The following JCAD variants were observed in gnomAD, a reference collection of about 807,000 sequenced individuals.
JCAD encodes the protein junctional cadherin 5-associated protein.
JCAD carries 40 observed loss-of-function variants against 98.0 expected under a neutral mutation model. The observed-to-expected ratio is 0.41, with a 90% CI of 0.32 to 0.53. The LOEUF (loss-of-function observed/expected upper bound fraction) is 0.53, where lower values mean the gene tolerates loss of function less well. Ranked by LOEUF, JCAD falls within the 20% of genes least tolerant of loss-of-function variation. The probability of loss-of-function intolerance (pLI) is 0.31; values close to 1 mark genes in which losing one functional copy is unlikely to be tolerated. For synonymous variants in JCAD, 691 were observed against 682.3 expected (o/e 1.01, Z -0.20); for missense variants, 1,705 against 1,738.1 (o/e 0.98, Z 0.34).
chr10:30,087,154 GGGA>G (rs1468723997), intron 1 of JCAD, among the ~76,000 whole-genome samples: 4 of 152,132 alleles, frequency 2.6e-5, no homozygotes, highest in Non-Finnish European at 5.9e-5. Context: ...TGTCAAGTCT[GGGA>G]GGAGGCCAGG....
chr10:30,071,708 G>C (rs992993137), intron 1 of JCAD, among the ~76,000 whole-genome samples: 5 of 152,078 alleles, frequency 3.3e-5, no homozygotes, highest in African/African-American at 1.2e-4. Flanking sequence ...AACCTGGGGG[G>C]CGGAGGTTGC....
intron 2 of JCAD, among the ~76,000 whole-genome samples, chr10:30,031,673 C>A (rs1836996483): frequency 6.6e-6 from 1 of 151,598 alleles, no homozygotes; most frequent in Non-Finnish European, 1.5e-5. Context: ...AACTCCTGAC[C>A]TCAAGTCTTC....
At chr10:30,111,718 T>C (rs1838705790) in intron 1 of JCAD, among the ~76,000 whole-genome samples, 1 of 152,170 alleles carries the variant, frequency 6.6e-6, no homozygotes, top group Admixed American at 6.6e-5. Context: ...AGAGGCTCCG[T>C]GTCATTAGTC....
At chr10:30,024,931 G>A (rs1226798285) in intron 3 of JCAD, among the ~76,000 whole-genome samples, 6 of 151,884 alleles carry the variant, frequency 4.0e-5, no homozygotes, top group Admixed American at 6.6e-5. Context: ...TCCTGACCTC[G>A]TGATCCACCC....
intron 2 of JCAD, among the ~76,000 whole-genome samples, chr10:30,038,881 G>T (rs1245855540): frequency 6.6e-6 from 1 of 152,102 alleles, no homozygotes. Flanking sequence ...GCAGCCGCCA[G>T]CTGCGTGTAC....
intron 2 of JCAD, among the ~76,000 whole-genome samples, chr10:30,030,243 A>C (rs1370354260): frequency 6.6e-6 from 1 of 152,186 alleles, no homozygotes; most frequent in Non-Finnish European, 1.5e-5. Flanking sequence ...CAGGAGTTTG[A>C]GACCAGCCTG....
chr10:30,036,445 C>G (rs1189543756), intron 2 of JCAD, among the ~76,000 whole-genome samples: 1 of 146,508 alleles, frequency 6.8e-6, no homozygotes, highest in East Asian at 2.0e-4. Context: ...AGCAGGACTC[C>G]GTCTCAAAAA....
chr10:30,099,855 C>T (rs781153410), intron 1 of JCAD, among the ~76,000 whole-genome samples: 3 of 152,136 alleles, frequency 2.0e-5, no homozygotes, highest in Non-Finnish European at 4.4e-5. Flanking sequence ...ATTTCAATCA[C>T]TTGCTCCACC....
At chr10:30,095,534 T>C (rs183677156) in intron 1 of JCAD, among the ~76,000 whole-genome samples, 5 of 152,360 alleles carry the variant, frequency 3.3e-5, no homozygotes, top group Non-Finnish European at 7.3e-5. Flanking sequence ...TTCGACCTGC[T>C]CTGACTTTGA....
intron 1 of JCAD, among the ~76,000 whole-genome samples, chr10:30,098,575 T>A (rs981559705): frequency 2.6e-4 from 40 of 152,216 alleles, no homozygotes; most frequent in Admixed American, 3.9e-4. Context: ...TGCTTTTGTG[T>A]CCTCAGTTCC....
chr10:30,051,296 A>G lies in JCAD; in HGVS notation c.-59-3425T>C, dbSNP rs1353610187. Among the ~76,000 whole-genome samples, 5 of 151,728 alleles carry G rather than the reference A, an allele frequency of 3.3e-5. No homozygotes were observed. The South Asian group carries it at 1.0e-3, about 32-fold the overall frequency. On this transcript the variant is annotated intron_variant, in intron 1 of 3. Coordinates refer to ENST00000375377, the MANE Select transcript of JCAD (RefSeq NM_020848.4). The stretch of plus-strand genomic sequence containing the variant: ...CGCACACACGCACGCACACACACAC[A>G]CACACACACACAAGAGTTGATGCCT...
At chr10:30,018,612 G>A (rs1162290880) in intron 3 of JCAD, among the ~76,000 whole-genome samples, 1 of 152,080 alleles carries the variant, frequency 6.6e-6, no homozygotes. Context: ...TTTCTAAAAC[G>A]GGACACCATA....
At chr10:30,109,549 C>T (rs1456938865) in intron 1 of JCAD, among the ~76,000 whole-genome samples, 2 of 152,072 alleles carry the variant, frequency 1.3e-5, no homozygotes, top group African/African-American at 4.8e-5. Context: ...CCTGTCTGTC[C>T]CTGTCACTCT....
At chr10:30,048,332 T>C (rs1382880319) in intron 1 of JCAD, among the ~76,000 whole-genome samples, 5 of 152,230 alleles carry the variant, frequency 3.3e-5, no homozygotes, top group African/African-American at 9.6e-5. Context: ...CCTGCTTTCA[T>C]CTTGTAGACA....
chr10:30,068,333 G>A (rs1033275069), intron 2 of JCAD, among the ~76,000 whole-genome samples: 8 of 142,708 alleles, frequency 5.6e-5, no homozygotes, highest in Non-Finnish European at 9.0e-5. Context: ...GGAGGTTGCA[G>A]TGAGCCAAGA....
intron 3 of JCAD, among the ~76,000 whole-genome samples, chr10:30,019,350 T>C (rs1836608501): frequency 8.2e-6 from 1 of 122,106 alleles, no homozygotes; most frequent in African/African-American, 3.5e-5. Context: ...AGAGCGAAAC[T>C]CTGTCTCAAA....
At chr10:30,020,182 C>G (rs1438567380) in intron 3 of JCAD, among the ~76,000 whole-genome samples, 1 of 151,730 alleles carries the variant, frequency 6.6e-6, no homozygotes, top group African/African-American at 2.4e-5. Flanking sequence ...CAAAAATTAG[C>G]CAGGTGTGGT....
At chr10:30,035,572 T>C (rs1035322317) in intron 2 of JCAD, among the ~76,000 whole-genome samples, 5 of 152,270 alleles carry the variant, frequency 3.3e-5, no homozygotes, top group East Asian at 3.8e-4. Context: ...AGCTTCGCTA[T>C]AGGACGCCCA....
At position 30,027,960 on chromosome 10, in the gene JCAD, C is replaced by A; in HGVS notation, c.2188G>T (p.Ala730Ser). 1.2e-6 allele frequency: 2 copies of A among 1,614,230 alleles called. No individual in the cohort carries two copies. Among genetic ancestry groups the A allele is most frequent in the Non-Finnish European group, 1.7e-6 (2 of 1,180,042 alleles). The change falls in exon 3 of 4, where the codon GCT becomes TCT. Residue 730 changes from alanine to serine, a missense_variant. Physicochemically the swap from Ala to Ser is moderately conservative, Grantham distance 99. Coordinates refer to ENST00000375377, the MANE Select transcript of JCAD (RefSeq NM_020848.4). ...GTAGGGAATGCTGTGTGCGTCTGAG[C>A]TTCGGAGGCAGCAGGGTCTGAACAT... ...PKCSDPAASEAQTHTAFPTGD... is the reference protein window; with the variant it reads ...PKCSDPAASESQTHTAFPTGD...
Sources: allele counts gnomAD v4.1 joint callset (sites outside exome capture counted in the v4.1 genomes callset), GRCh38; gene constraint gnomAD v4.1.1; transcripts MANE v1.5; gene names NCBI Gene and HGNC (gene_info 2026-07-23, HGNC 2026-07-21).